The following LRP1B variants were observed in gnomAD, a reference collection of about 807,000 sequenced individuals.
LRP1B encodes low-density lipoprotein receptor-related protein 1B.
Under a neutral mutation model 556.6 loss-of-function variants are expected in LRP1B, and 217 were observed. That is an observed-to-expected ratio of 0.39 (90% CI 0.35 to 0.44). The LOEUF (loss-of-function observed/expected upper bound fraction) is 0.44, where lower values mean the gene tolerates loss of function less well. Ranked by LOEUF, LRP1B falls within the 20% of genes least tolerant of loss-of-function variation. LRP1B has a pLI of 1.00. For missense variants in LRP1B, 5,053 were observed against 5,620.8 expected, an observed-to-expected ratio of 0.90 and a Z score of 3.23; for synonymous variants, 2,047 against 1,865.8, an observed-to-expected ratio of 1.10 and a Z score of -2.50.
chr2:141,175,342 G>A (rs1157689575), intron 7 of LRP1B, among the ~76,000 whole-genome samples: 2 of 152,136 alleles, frequency 1.3e-5, no homozygotes, highest in South Asian at 2.1e-4. Context: ...CACAGGCCTT[G>A]AGGCCTATGA....
chr2:140,616,852 C>T (rs900630201), intron 41 of LRP1B, among the ~76,000 whole-genome samples: 2 of 151,780 alleles, frequency 1.3e-5, no homozygotes, highest in Admixed American at 6.6e-5. Context: ...CATGCCCTAG[C>T]TGATTTCTTT....
At chr2:140,766,865 T>TATATATATATATATATATAA (rs1559106499) in intron 35 of LRP1B, among the ~76,000 whole-genome samples, 1 of 58,936 alleles carries the variant, frequency 1.7e-5, no homozygotes, top group East Asian at 1.2e-3. Context: ...TATATATATA[T>TATATATATATATATATATAA]AATATATATA....
At chr2:140,601,881 T>C (rs1481771944) in intron 41 of LRP1B, among the ~76,000 whole-genome samples, 2 of 152,100 alleles carry the variant, frequency 1.3e-5, no homozygotes, top group Non-Finnish European at 2.9e-5. Flanking sequence ...ACAAATAAAA[T>C]AAAATTAAAT....
chr2:140,260,948 T>A (rs1172008936), intron 86 of LRP1B, among the ~76,000 whole-genome samples: 2 of 151,874 alleles, frequency 1.3e-5, no homozygotes, highest in Non-Finnish European at 1.5e-5. Flanking sequence ...TGTTCACTGA[T>A]ATGGCCTCTA....
intron 3 of LRP1B, among the ~76,000 whole-genome samples, chr2:141,325,569 T>C (rs1024730032): frequency 6.6e-6 from 1 of 152,124 alleles, no homozygotes. Context: ...AGGTTGATTG[T>C]CCTTAGCTGG....
chr2:140,786,113 C>A (rs1039281936), intron 32 of LRP1B, among the ~76,000 whole-genome samples: 1 of 152,284 alleles, frequency 6.6e-6, no homozygotes, highest in African/African-American at 2.4e-5. Flanking sequence ...CCAATGGCTT[C>A]CCCCTGCCAA....
intron 3 of LRP1B, among the ~76,000 whole-genome samples, chr2:141,317,413 T>A (rs558747593): frequency 8.5e-5 from 13 of 152,286 alleles, no homozygotes; most frequent in Admixed American, 6.5e-4. Flanking sequence ...TACACAACAT[T>A]CTACCATCTC....
intron 11 of LRP1B, among the ~76,000 whole-genome samples, chr2:141,046,071 GA>G (rs762844257): frequency 2.0e-5 from 3 of 151,822 alleles, no homozygotes; most frequent in Non-Finnish European, 2.9e-5. Context: ...ACCTCTAGGA[GA>G]AAAAAAATCA....
chr2:141,857,941 A>T (rs1698114815), intron 1 of LRP1B, among the ~76,000 whole-genome samples: 1 of 152,106 alleles, frequency 6.6e-6, no homozygotes, highest in Non-Finnish European at 1.5e-5. Context: ...TACTATCTGT[A>T]CTATTACATT....
At position 140,245,189 on chromosome 2, in the gene LRP1B, G is replaced by C. The variant is rs538022632; in HGVS notation, c.13324+1897C>G. On this transcript the variant is annotated intron_variant, in intron 87 of 90. Transcript: ENST00000389484. ...TGGGAGAAAGAGCTTCAGAATCATT[G>C]GAAAGGGTTACAACTATTTGCAACT... 5.9e-5 allele frequency among the ~76,000 whole-genome samples: 9 copies of C among 151,322 alleles called. No individual in the cohort carries two copies. In the South Asian group the frequency reaches 1.5e-3, roughly 24 times the overall value.
chr2:141,845,944 G>A (rs1697630980), intron 1 of LRP1B, among the ~76,000 whole-genome samples: 1 of 151,194 alleles, frequency 6.6e-6, no homozygotes, highest in Non-Finnish European at 1.5e-5. Context: ...TTAATCTGAA[G>A]GAAAAAATAA....
intron 2 of LRP1B, 111 bp downstream of exon 2, chr2:141,810,164 AGAAG>A (rs1488281429): frequency 0.027 from 10,194 of 378,958 alleles, 1,267 homozygotes; most frequent in African/African-American, 0.12. Context: ...AAAGAAAGAA[AGAAG>A]GAAAGAAAGA....
chr2:140,483,920 G>A (rs902723747), intron 59 of LRP1B, among the ~76,000 whole-genome samples: 8 of 151,814 alleles, frequency 5.3e-5, no homozygotes, highest in African/African-American at 9.7e-5. Context: ...AATTAGAAGC[G>A]TGAGCCACCA....
chr2:141,625,111 G>A (rs1688659571), intron 2 of LRP1B, among the ~76,000 whole-genome samples: 1 of 152,120 alleles, frequency 6.6e-6, no homozygotes, highest in African/African-American at 2.4e-5. Context: ...CCTCCTAGTA[G>A]CAAATTTATT....
At chr2:141,775,231 C>T (rs566506371) in intron 2 of LRP1B, among the ~76,000 whole-genome samples, 3 of 152,318 alleles carry the variant, frequency 2.0e-5, no homozygotes, top group Non-Finnish European at 4.4e-5. Flanking sequence ...TATTTCACAG[C>T]TCTGTAAATT....
intron 43 of LRP1B, among the ~76,000 whole-genome samples, chr2:140,571,903 T>C (rs139360440): frequency 1.6e-4 from 24 of 151,772 alleles, no homozygotes; most frequent in Middle Eastern, 3.4e-3. Context: ...TTGGGGATAG[T>C]CCCCTCAATA....
At chr2:140,482,550 C>G (rs1478932576) in intron 59 of LRP1B, among the ~76,000 whole-genome samples, 1 of 151,812 alleles carries the variant, frequency 6.6e-6, no homozygotes, top group Non-Finnish European at 1.5e-5. Flanking sequence ...CACAAAATAA[C>G]AAGAAGCTTA....
intron 1 of LRP1B, among the ~76,000 whole-genome samples, chr2:142,052,647 C>T (rs1164743606): frequency 6.6e-6 from 1 of 152,094 alleles, no homozygotes; most frequent in East Asian, 1.9e-4. Flanking sequence ...TCTCAGGGTG[C>T]TGCTCTGATC....
intron 31 of LRP1B, among the ~76,000 whole-genome samples, chr2:140,837,925 T>C (rs111929872): frequency 0.067 from 10,213 of 152,108 alleles, 447 homozygotes; most frequent in East Asian, 0.17. Flanking sequence ...CACATGTACC[T>C]GAAAACTTAA....
Sources: gnomAD v4.1 joint callset for allele counts (sites outside exome capture counted in the v4.1 genomes callset) on GRCh38, gnomAD v4.1.1 for gene constraint, MANE v1.5 for transcripts, NCBI Gene and HGNC (gene_info 2026-07-23, HGNC 2026-07-21) for gene names.